The following TENM1 variants were observed in gnomAD, a reference collection of about 807,000 sequenced individuals.
TENM1 encodes the protein teneurin transmembrane protein 1.
A neutral mutation model predicts 174.8 loss-of-function variants in TENM1; 35 were observed. The ratio of observed to expected loss-of-function variants is 0.20; its 90% CI spans 0.15 to 0.27. The LOEUF is 0.27. TENM1 is among the 10% of genes least tolerant of loss of function. TENM1 has a pLI of 1.00. For missense variants in TENM1, 1,633 were observed against 2,130.1 expected (o/e 0.77, Z 4.59); for synonymous variants, 781 against 798.7 (o/e 0.98, Z 0.37).
chrX:124,753,672 T>A (rs1480548467), intron 3 of TENM1, among the ~76,000 whole-genome samples: 2 of 111,561 alleles, frequency 1.8e-5, no homozygotes, highest in Non-Finnish European at 3.8e-5. Context: ...CATTAATACC[T>A]AATTTATTGA....
chrX:125,108,207 A>G, the TENM1 span, among the ~76,000 whole-genome samples: 74 of 111,250 alleles, frequency 6.7e-4, 1 homozygote, highest in African/African-American at 2.4e-3. Flanking sequence ...TCTATCTCAG[A>G]GGATGCCTCA....
chrX:124,842,810 G>T (rs1377316977), intron 3 of TENM1, among the ~76,000 whole-genome samples: 3 of 110,747 alleles, frequency 2.7e-5, no homozygotes, highest in African/African-American at 9.9e-5. Flanking sequence ...ATGAGTTTTG[G>T]GAGGGACATA....
intron 4 of TENM1, among the ~76,000 whole-genome samples, chrX:124,731,079 A>C (rs2053554832): frequency 8.9e-6 from 1 of 111,987 alleles, no homozygotes; most frequent in African/African-American, 3.2e-5. Context: ...GATGAAAACC[A>C]AAAATAAGTA....
rs2057527340 is a variant in TENM1 at position 124,894,434 on chromosome X, A to G, written c.479-82T>C. On this transcript the variant is annotated intron_variant, in intron 2 of 31. Transcript: ENST00000422452. Reference sequence around the variant, plus strand: ...AAACTTCAACCCTTACCCTTCATCTAGTGGTGCTTAAAAAAAACCCAGCTT... The same window carrying G: ...AAACTTCAACCCTTACCCTTCATCTGGTGGTGCTTAAAAAAAACCCAGCTT... The G allele has an allele frequency of 7.2e-6, 5 of 697,143 alleles. No individual in the cohort carries two copies. In the East Asian group the frequency reaches 1.4e-4, roughly 20 times the overall value. 57.5% of individuals were successfully genotyped at this position (697,143 alleles called of 1,213,427 possible).
At chrX:124,938,450 T>C (rs761510744) in intron 1 of TENM1, among the ~76,000 whole-genome samples, 2 of 112,116 alleles carry the variant, frequency 1.8e-5, no homozygotes, top group South Asian at 7.4e-4. Context: ...AAAATGATTT[T>C]TACAATAAGA....
intron 15 of TENM1, among the ~76,000 whole-genome samples, chrX:124,533,535 T>C (rs371745444): frequency 1.8e-5 from 2 of 111,368 alleles, no homozygotes; most frequent in East Asian, 5.6e-4. Flanking sequence ...CAAATCACCA[T>C]TGAAATTAGT....
the TENM1 span, among the ~76,000 whole-genome samples, chrX:125,140,811 TTTCTGAGCC>T: frequency 1.8e-5 from 2 of 111,809 alleles, no homozygotes; most frequent in African/African-American, 3.3e-5. Context: ...CCTACAAAGG[TTTCTGAGCC>T]TTCTGCCACA....
At chrX:125,173,065 T>C in the TENM1 span, among the ~76,000 whole-genome samples, 1 of 111,472 alleles carries the variant, frequency 9.0e-6, no homozygotes, top group African/African-American at 3.3e-5. Context: ...AAGGACAGGA[T>C]GACAGACTGA....
At chrX:124,918,060 T>G (rs1315532734) in intron 1 of TENM1, among the ~76,000 whole-genome samples, 1 of 112,295 alleles carries the variant, frequency 8.9e-6, no homozygotes, top group African/African-American at 3.2e-5. Context: ...CTCTACATTC[T>G]TCCTTTTTCT....
intron 4 of TENM1, among the ~76,000 whole-genome samples, chrX:124,732,948 T>C (rs1333370059): frequency 8.9e-6 from 1 of 111,766 alleles, no homozygotes; most frequent in Non-Finnish European, 1.9e-5. Flanking sequence ...ACACATACAC[T>C]GAAAAGATGT....
chrX:124,593,816 C>T (rs1467294468), intron 11 of TENM1, among the ~76,000 whole-genome samples: 1 of 111,895 alleles, frequency 8.9e-6, no homozygotes, highest in East Asian at 2.8e-4. Flanking sequence ...GTTCTCCTAC[C>T]AATCCGGGAT....
At chrX:124,726,936 A>G (rs1006769465) in intron 4 of TENM1, among the ~76,000 whole-genome samples, 11 of 112,285 alleles carry the variant, frequency 9.8e-5, no homozygotes, top group African/African-American at 3.6e-4. Context: ...CTCTGGAAGT[A>G]TAGTAATACA....
At chrX:125,130,879 G>C in the TENM1 span, among the ~76,000 whole-genome samples, 2 of 111,403 alleles carry the variant, frequency 1.8e-5, no homozygotes, top group African/African-American at 3.3e-5. Flanking sequence ...AGAGGGGATA[G>C]GGGAGACACT....
chrX:125,060,159 CCTCT>C, the TENM1 span, among the ~76,000 whole-genome samples: 370 of 96,809 alleles, frequency 3.8e-3, 1 homozygote, highest in African/African-American at 9.9e-3. Context: ...CTCTCTCTCT[CCTCT>C]CTCTCTCTCT....
At chrX:125,003,309 T>C in the TENM1 span, among the ~76,000 whole-genome samples, 1 of 111,766 alleles carries the variant, frequency 8.9e-6, no homozygotes, top group African/African-American at 3.2e-5. Flanking sequence ...GTCCTCTTCA[T>C]TTAAAAATGT....
chrX:124,911,528 T>C (rs763518854), intron 1 of TENM1, among the ~76,000 whole-genome samples: 2 of 111,657 alleles, frequency 1.8e-5, no homozygotes, highest in African/African-American at 6.5e-5. Context: ...AAGTGATACT[T>C]TGAGTTTCAT....
the TENM1 span, among the ~76,000 whole-genome samples, chrX:125,165,939 A>G: frequency 9.0e-6 from 1 of 111,447 alleles, no homozygotes; most frequent in African/African-American, 3.3e-5. Flanking sequence ...CAAATGTGGT[A>G]TATATTGAGC....
chrX:124,892,743 A>G (rs1237661813), intron 3 of TENM1, among the ~76,000 whole-genome samples: 1 of 112,174 alleles, frequency 8.9e-6, no homozygotes, highest in Non-Finnish European at 1.9e-5. Flanking sequence ...TCTAAAATTC[A>G]GAAAGTATAT....
intron 5 of TENM1, among the ~76,000 whole-genome samples, chrX:124,685,926 T>G (rs1258928587): frequency 9.0e-6 from 1 of 111,645 alleles, no homozygotes; most frequent in Non-Finnish European, 1.9e-5. Context: ...TGTGGAAAGA[T>G]TATTTAAAGA....
Sources: gnomAD v4.1 joint callset for allele counts (sites outside exome capture counted in the v4.1 genomes callset) on GRCh38, gnomAD v4.1.1 for gene constraint, MANE v1.5 for transcripts, NCBI Gene and HGNC (gene_info 2026-07-23, HGNC 2026-07-21) for gene names.